Variants in STK32A observed in about 807,000 individuals in gnomAD.
The protein encoded by STK32A is serine/threonine kinase 32A.
In STK32A, 41 loss-of-function variants were observed where a neutral mutation model predicts 53.2. The ratio of observed to expected loss-of-function variants is 0.77; its 90% CI spans 0.60 to 1.00. STK32A has a LOEUF of 1.00. Ranked by LOEUF, STK32A falls within the 50% of genes least tolerant of loss-of-function variation. STK32A has a pLI of 0.00. For missense variants in STK32A, 458 were observed against 485.8 expected, an observed-to-expected ratio of 0.94 and a Z score of 0.54; for synonymous variants, 166 against 162.8, an observed-to-expected ratio of 1.02 and a Z score of -0.15.
chr5:147,391,711 T>C (rs1757808928), downstream of STK32A: 1 of 152,206 alleles, frequency 6.6e-6, no homozygotes, highest in African/African-American at 2.4e-5. Flanking sequence ...GGAGTTATTC[T>C]CGCAATTCCC....
intron 2 of STK32A, among the ~76,000 whole-genome samples, chr5:147,241,607 AC>A (rs1753587149): frequency 6.6e-6 from 1 of 152,206 alleles, no homozygotes; most frequent in Admixed American, 6.5e-5. Context: ...GTTCATAGGA[AC>A]TTTGAAATTA....
intron 4 of STK32A, among the ~76,000 whole-genome samples, chr5:147,280,456 G>C (rs1161524623): frequency 2.0e-5 from 3 of 151,814 alleles, no homozygotes; most frequent in African/African-American, 7.3e-5. Flanking sequence ...GGAAAGCACG[G>C]TGGGAGTGAG....
chr5:147,342,552 T>A, intron 5 of STK32A: 1 of 158,470 alleles, frequency 6.3e-6, no homozygotes, highest in Admixed American at 6.1e-5. Context: ...TATAACTACA[T>A]TATCAACCAT....
rs1283635287 is a variant in STK32A, at chr5:147,372,283, T to TC, written c.778-886_778-885insC. 2.1e-5 allele frequency among the ~76,000 whole-genome samples: 3 copies of TC among 141,888 alleles called. No homozygotes were observed. The South Asian group carries it at 7.3e-4, about 34-fold the overall frequency. The allele number at this position is 141,888 out of a possible 152,430, so 93.1% of individuals were successfully genotyped here. On this transcript the variant is annotated intron_variant, in intron 9 of 12. Coordinates refer to ENST00000397936, the MANE Select transcript of STK32A (RefSeq NM_001112724.2). ...ATGGGCTTGGCCTTTTTTTTTTTTT[T>TC]TTTTTTTTTTTTTTTTGAGGAGAAA...
chr5:147,317,337 T>TTC, intron 4 of STK32A, among the ~76,000 whole-genome samples: 1 of 135,506 alleles, frequency 7.4e-6, no homozygotes, highest in Middle Eastern at 3.5e-3. Flanking sequence ...TTTTTTTTTT[T>TTC]TTTTTTTTTT....
intron 4 of STK32A, among the ~76,000 whole-genome samples, chr5:147,309,564 GT>G (rs1753587216): frequency 6.6e-6 from 1 of 152,138 alleles, no homozygotes; most frequent in African/African-American, 2.4e-5. Flanking sequence ...GTTTAATTGG[GT>G]GAGGTATTCT....
At chr5:147,252,645 T>C (rs1754047111) in intron 2 of STK32A, among the ~76,000 whole-genome samples, 1 of 152,142 alleles carries the variant, frequency 6.6e-6, no homozygotes, top group African/African-American at 2.4e-5. Flanking sequence ...GCTCATAAAA[T>C]AAAAATCAAG....
intron 7 of STK32A, among the ~76,000 whole-genome samples, chr5:147,360,227 A>C (rs919870029): frequency 6.6e-6 from 1 of 152,088 alleles, no homozygotes; most frequent in Non-Finnish European, 1.5e-5. Context: ...AAGCAGGTGG[A>C]TCACCTAAGC....
chr5:147,372,900 A>C (rs1757061837), intron 9 of STK32A, among the ~76,000 whole-genome samples: 1 of 152,142 alleles, frequency 6.6e-6, no homozygotes, highest in Non-Finnish European at 1.5e-5. Context: ...GATTTAGAGA[A>C]CAAATTTGCC....
chr5:147,257,057 A>G (rs1754268256), intron 2 of STK32A, among the ~76,000 whole-genome samples: 1 of 152,192 alleles, frequency 6.6e-6, no homozygotes, highest in Non-Finnish European at 1.5e-5. Context: ...AGAGTTTGAG[A>G]TAATAACCTG....
At position 147,343,009 on chromosome 5, in the gene STK32A, T is replaced by C. The variant is rs769653029; in HGVS notation, c.438T>C (p.Asp146=). ...TTTTTTCTTTTTACTCCTCTAGGGA[T>C]ATGAAGCCTGACAATATTTTACTTG... is the stretch of plus-strand genomic sequence containing the variant. ...YLQNQRIIHR[D]MKPDNILLDE... is the part of the protein sequence containing the mutation. The change falls in exon 6 of 13, where the codon GAT becomes GAC. Residue 146 remains aspartate (D), a synonymous_variant. Coordinates refer to ENST00000397936, the MANE Select transcript of STK32A (RefSeq NM_001112724.2). 2 of 1,613,418 alleles carry C rather than the reference T, an allele frequency of 1.2e-6. No homozygotes were observed. Among genetic ancestry groups the C allele is most frequent in the Non-Finnish European group, 1.7e-6 (2 of 1,179,720 alleles).
intron 5 of STK32A, among the ~76,000 whole-genome samples, chr5:147,333,964 A>G (rs1754994627): frequency 6.6e-6 from 1 of 152,200 alleles, no homozygotes; most frequent in Admixed American, 6.6e-5. Flanking sequence ...TTAAATAGGT[A>G]TAATAACATT....
In STK32A at chr5:147,386,845, TC is replaced by T. The variant is rs1757660836; in HGVS notation, c.*2864del. 1 of 152,246 alleles carries T rather than the reference TC, an allele frequency of 6.6e-6. No homozygotes were observed. Among genetic ancestry groups the T allele is most frequent in the Non-Finnish European group, 1.5e-5 (1 of 68,042 alleles). 9.4% of individuals were successfully genotyped at this position (152,246 alleles called of 1,614,324 possible). A position where few individuals can be genotyped will look rare whatever the true frequency, so the allele number is the denominator to read the frequency against. On this transcript the variant is annotated 3_prime_UTR_variant, in exon 13 of 13. Coordinates refer to ENST00000397936, the MANE Select transcript of STK32A (RefSeq NM_001112724.2). ...TTTAAACATGAGAACAAAAAACTTTTCCAAAATTTAAACTTTTCCTAAATCT... is the reference window on the plus strand; with the variant it reads ...TTTAAACATGAGAACAAAAAACTTTTCAAAATTTAAACTTTTCCTAAATCT...
intron 7 of STK32A, among the ~76,000 whole-genome samples, chr5:147,357,355 A>T (rs1419621622): frequency 6.6e-6 from 1 of 152,048 alleles, no homozygotes; most frequent in East Asian, 1.9e-4. Flanking sequence ...ACATTATGAT[A>T]TTACCACAGT....
chr5:147,278,108 C>T lies in STK32A; in HGVS notation c.53-16C>T. 6.4e-7 allele frequency: 1 copy of T among 1,574,154 alleles called. No homozygotes were observed. Among genetic ancestry groups the T allele is most frequent in the African/African-American group, 1.3e-5 (1 of 74,286 alleles). The stretch of plus-strand genomic sequence containing the variant: ...ATTGATAATTACTCATGATATTCTT[C>T]TTTTTTGTTTTACAGTCAACTTTGA... On this transcript the variant is annotated splice_polypyrimidine_tract_variant and intron_variant, in intron 2 of 12. Coordinates refer to ENST00000397936, the MANE Select transcript of STK32A (RefSeq NM_001112724.2).
chr5:147,279,975 C>T (rs1191553010), intron 4 of STK32A, among the ~76,000 whole-genome samples: 1 of 152,134 alleles, frequency 6.6e-6, no homozygotes. Flanking sequence ...AGACCCTCCT[C>T]TCCCAAACAC....
intron 8 of STK32A, among the ~76,000 whole-genome samples, chr5:147,365,684 A>G: frequency 6.6e-6 from 1 of 151,976 alleles, no homozygotes; most frequent in Admixed American, 6.6e-5. Flanking sequence ...TCTGTGTTAG[A>G]CCCTTGCTAG....
intron 7 of STK32A, among the ~76,000 whole-genome samples, chr5:147,358,963 G>A (rs1297677949): frequency 2.0e-5 from 3 of 152,328 alleles, no homozygotes; most frequent in African/African-American, 7.2e-5. Context: ...ACAGGACACA[G>A]TGATGGGGAC....
At chr5:147,307,759 A>G (rs1309533115) in intron 4 of STK32A, among the ~76,000 whole-genome samples, 1 of 151,820 alleles carries the variant, frequency 6.6e-6, no homozygotes, top group African/African-American at 2.4e-5. Flanking sequence ...TTTTGTCTTC[A>G]TATAAATAAG....
Sources: gnomAD v4.1 joint callset for allele counts (sites outside exome capture counted in the v4.1 genomes callset) on GRCh38, gnomAD v4.1.1 for gene constraint, MANE v1.5 for transcripts, NCBI Gene and HGNC (gene_info 2026-07-23, HGNC 2026-07-21) for gene names.